TBC1D22A: variants seen among roughly 807,000 people sequenced by gnomAD.
The protein encoded by TBC1D22A is TBC1 domain family member 22A, also known as putative GTPase activator.
In TBC1D22A, 38 loss-of-function variants were observed where a neutral mutation model predicts 60.2. That is an observed-to-expected ratio of 0.63 (90% CI 0.49 to 0.83). The LOEUF (loss-of-function observed/expected upper bound fraction) is 0.83. TBC1D22A is among the 40% of genes least tolerant of loss of function. The probability of loss-of-function intolerance (pLI) is 0.00; values close to 1 mark genes in which losing one functional copy is unlikely to be tolerated. For synonymous variants in TBC1D22A, 302 were observed against 281.7 expected, an observed-to-expected ratio of 1.07 and a Z score of -0.72; for missense variants, 628 against 701.0, an observed-to-expected ratio of 0.90 and a Z score of 1.18.
chr22:46,878,766 A>C (rs894149547), intron 5 of TBC1D22A, 43 bp downstream of exon 5: 1 of 1,595,072 alleles, frequency 6.3e-7, no homozygotes, highest in Non-Finnish European at 8.6e-7. Flanking sequence ...CTTCCTGTGC[A>C]CAGGGACTGC....
At chr22:46,818,139 T>C (rs146851318) in intron 4 of TBC1D22A, among the ~76,000 whole-genome samples, 2,202 of 152,374 alleles carry the variant, frequency 0.014, 25 homozygotes, top group South Asian at 0.022. Flanking sequence ...TTGTAGATTC[T>C]GGATATTAGA....
At chr22:47,111,798 G>A (rs1488822355) in intron 12 of TBC1D22A, among the ~76,000 whole-genome samples, 195 bp downstream of exon 12, 3 of 152,234 alleles carry the variant, frequency 2.0e-5, no homozygotes, top group Non-Finnish European at 4.4e-5. Flanking sequence ...GGTCACAGCA[G>A]TGGAAACGCT....
chr22:46,946,931 C>T (rs890059487), intron 8 of TBC1D22A, among the ~76,000 whole-genome samples: 1 of 152,128 alleles, frequency 6.6e-6, no homozygotes, highest in Admixed American at 6.5e-5. Flanking sequence ...TTAAGCTGCT[C>T]CGTCTTTCTG....
At chr22:47,058,172 T>C (rs2063459213) in intron 11 of TBC1D22A, among the ~76,000 whole-genome samples, 1 of 152,222 alleles carries the variant, frequency 6.6e-6, no homozygotes, top group Non-Finnish European at 1.5e-5. Context: ...TGCGGACTCC[T>C]GTGTCTGGCC....
rs58841152 is a variant in TBC1D22A, at chr22:46,873,294, A to G, written c.638-5359A>G. On this transcript the variant is annotated intron_variant, in intron 4 of 12. Coordinates refer to ENST00000337137, the MANE Select transcript of TBC1D22A (RefSeq NM_014346.5). ...CAGTAAACACATGAAAATCTCTTCA[A>G]TGCTCAACATCATTAATCATCATAA... Among the ~76,000 whole-genome samples the G allele has an allele frequency of 1.7e-3, 261 of 152,304 alleles. 1 individual carries two copies. The highest frequency in any genetic ancestry group is 5.9e-3 in the African/African-American group (245 of 41,548).
At chr22:47,067,916 G>T (rs1265470981) in intron 11 of TBC1D22A, among the ~76,000 whole-genome samples, 1 of 152,218 alleles carries the variant, frequency 6.6e-6, no homozygotes, top group East Asian at 1.9e-4. Flanking sequence ...GATGCTTTGA[G>T]TGCCTCTGAA....
At chr22:46,917,222 T>C (rs553760530) in intron 8 of TBC1D22A, among the ~76,000 whole-genome samples, 11 of 152,274 alleles carry the variant, frequency 7.2e-5, no homozygotes, top group African/African-American at 2.6e-4. Flanking sequence ...GTTCAGGCCA[T>C]GGAAGAAGGC....
At chr22:46,802,157 A>C (rs1276013763) in intron 4 of TBC1D22A, among the ~76,000 whole-genome samples, 1 of 152,216 alleles carries the variant, frequency 6.6e-6, no homozygotes, top group Non-Finnish European at 1.5e-5. Context: ...GAATTTATGT[A>C]GAGTCACTCA....
chr22:47,097,041 T>C (rs1490654034), intron 11 of TBC1D22A, among the ~76,000 whole-genome samples: 1 of 64,012 alleles, frequency 1.6e-5, no homozygotes, highest in Non-Finnish European at 2.7e-5. Flanking sequence ...TCATGGATGA[T>C]TGTGTGTCCA....
chr22:47,156,861 C>T (rs1187896064), intron 12 of TBC1D22A, among the ~76,000 whole-genome samples: 1 of 152,252 alleles, frequency 6.6e-6, no homozygotes, highest in Non-Finnish European at 1.5e-5. Context: ...GCAGGGTCTG[C>T]ATGCTGCACC....
At chr22:46,776,346 T>C (rs801624) in intron 1 of TBC1D22A, among the ~76,000 whole-genome samples, 25,223 of 151,752 alleles carry the variant, frequency 0.17, 3,008 homozygotes, top group African/African-American at 0.33. Context: ...GGCACAGCTG[T>C]GGCTGTATGG....
rs13055921 is a variant in TBC1D22A, at chr22:47,119,947, C to T, written c.1425+8344C>T. 4.6e-3 allele frequency among the ~76,000 whole-genome samples: 698 copies of T among 152,204 alleles called. 5 individuals are homozygous for T. Among genetic ancestry groups the T allele is most frequent in the Non-Finnish European group, 5.9e-3 (402 of 68,020 alleles). ...AAGGTAGGAGGGCAAGAGGGCTGGG[C>T]GCTCCCATCAGCCTCCTTCACGGCA... On this transcript the variant is annotated intron_variant, in intron 12 of 12. Transcript: ENST00000337137.
At chr22:46,939,805 G>A (rs1042421012) in intron 8 of TBC1D22A, among the ~76,000 whole-genome samples, 8 of 152,192 alleles carry the variant, frequency 5.3e-5, no homozygotes, top group Admixed American at 1.3e-4. Context: ...TAGAATCACC[G>A]TTGCGTTTCA....
At chr22:46,799,467 A>T (rs946533361) in intron 4 of TBC1D22A, among the ~76,000 whole-genome samples, 5 of 152,220 alleles carry the variant, frequency 3.3e-5, no homozygotes, top group African/African-American at 9.6e-5. Context: ...CACAGGGGTC[A>T]CAATCAGGAA....
At chr22:47,041,020 C>T (rs56397243) in intron 11 of TBC1D22A, among the ~76,000 whole-genome samples, 5 of 152,238 alleles carry the variant, frequency 3.3e-5, no homozygotes, top group South Asian at 4.1e-4. Flanking sequence ...GTGCAGGTGG[C>T]GGGGGACTCG....
intron 12 of TBC1D22A, among the ~76,000 whole-genome samples, chr22:47,166,220 G>A (rs1946618963): frequency 6.6e-6 from 1 of 152,134 alleles, no homozygotes; most frequent in African/African-American, 2.4e-5. Context: ...GTCCAGGGGA[G>A]GGAAGCACTG....
At chr22:46,989,068 T>A (rs961562742) in intron 9 of TBC1D22A, among the ~76,000 whole-genome samples, 2 of 152,262 alleles carry the variant, frequency 1.3e-5, no homozygotes, top group Non-Finnish European at 2.9e-5. Context: ...GCTTCTTTCC[T>A]TAAACCTGAT....
intron 11 of TBC1D22A, among the ~76,000 whole-genome samples, chr22:47,039,935 CTT>C (rs570751261): frequency 2.1e-4 from 16 of 77,280 alleles, no homozygotes; most frequent in African/African-American, 8.8e-4. Context: ...GTGCCACAGC[CTT>C]TTTTTTTTTT....
chr22:47,117,894 G>A (rs1171323271), intron 12 of TBC1D22A, among the ~76,000 whole-genome samples: 2 of 152,248 alleles, frequency 1.3e-5, no homozygotes, highest in Non-Finnish European at 2.9e-5. Flanking sequence ...AGGCAGAGGC[G>A]GGCGGATCAC....
Sources: gnomAD v4.1 joint callset for allele counts (sites outside exome capture counted in the v4.1 genomes callset) on GRCh38, gnomAD v4.1.1 for gene constraint, MANE v1.5 for transcripts, NCBI Gene and HGNC (gene_info 2026-07-23, HGNC 2026-07-21) for gene names.